The following DNER variants were observed in gnomAD, a reference collection of about 807,000 sequenced individuals.
DNER encodes the protein delta/notch like EGF repeat containing.
In DNER, 33 loss-of-function variants were observed where a neutral mutation model predicts 78.2. That is an observed-to-expected ratio of 0.42 (90% confidence interval 0.32 to 0.56). The LOEUF (loss-of-function observed/expected upper bound fraction) is 0.56. DNER is among the 20% of genes least tolerant of loss of function. The pLI, the probability that DNER is intolerant of heterozygous loss-of-function variation, is 0.11. For synonymous variants in DNER, 417 were observed against 384.8 expected, an observed-to-expected ratio of 1.08 and a Z score of -0.98; for missense variants, 918 against 975.3, an observed-to-expected ratio of 0.94 and a Z score of 0.78.
At chr2:229,362,820 T>C (rs1692246172) in intron 12 of DNER, among the ~76,000 whole-genome samples, 1 of 152,202 alleles carries the variant, frequency 6.6e-6, no homozygotes, top group African/African-American at 2.4e-5. Context: ...CTTGTGTGTC[T>C]ATTTCTTCAA....
At chr2:229,376,323 A>G (rs1478126729) in intron 11 of DNER, among the ~76,000 whole-genome samples, 1 of 152,066 alleles carries the variant, frequency 6.6e-6, no homozygotes, top group East Asian at 1.9e-4. Context: ...CCCTTCCACT[A>G]TGTGAAGACA....
chr2:229,506,829 C>T (rs986624362), intron 6 of DNER, among the ~76,000 whole-genome samples: 1 of 152,102 alleles, frequency 6.6e-6, no homozygotes, highest in Admixed American at 6.5e-5. Flanking sequence ...TCATCCATGT[C>T]CCTATGCTAT....
At chr2:229,412,617 A>G (rs1033470852) in intron 9 of DNER, among the ~76,000 whole-genome samples, 5 of 152,230 alleles carry the variant, frequency 3.3e-5, no homozygotes, top group Admixed American at 6.5e-5. Flanking sequence ...AACATTTCAG[A>G]CAGTGGATAC....
intron 12 of DNER, among the ~76,000 whole-genome samples, chr2:229,366,585 A>G (rs1011104616): frequency 6.6e-6 from 1 of 152,226 alleles, no homozygotes; most frequent in Non-Finnish European, 1.5e-5. Context: ...AAAGTTTTCA[A>G]TATACAGCGA....
At chr2:229,665,004 C>T (rs558483839) in intron 1 of DNER, among the ~76,000 whole-genome samples, 14 of 152,272 alleles carry the variant, frequency 9.2e-5, no homozygotes, top group Admixed American at 2.6e-4. Flanking sequence ...CTCAAGCAAG[C>T]TTCAGGTCAG....
intron 1 of DNER, among the ~76,000 whole-genome samples, chr2:229,635,257 G>C (rs1045008137): frequency 4.0e-5 from 6 of 148,422 alleles, no homozygotes; most frequent in Non-Finnish European, 7.4e-5. Context: ...TACAGCAGGA[G>C]ACCTCCAGCC....
At chr2:229,558,276 G>A (rs1696890550) in intron 4 of DNER, among the ~76,000 whole-genome samples, 1 of 151,974 alleles carries the variant, frequency 6.6e-6, no homozygotes, top group South Asian at 2.1e-4. Context: ...TAACTAATGA[G>A]TACAAGGCTT....
At chr2:229,594,888 A>G (rs1159589947) in intron 1 of DNER, among the ~76,000 whole-genome samples, 1 of 151,344 alleles carries the variant, frequency 6.6e-6, no homozygotes, top group Admixed American at 6.6e-5. Context: ...GTAATACTCA[A>G]GGAACACTGA....
intron 1 of DNER, among the ~76,000 whole-genome samples, chr2:229,607,613 C>T (rs919393492): frequency 6.6e-6 from 1 of 152,002 alleles, no homozygotes; most frequent in African/African-American, 2.4e-5. Context: ...TTATTCCCTC[C>T]CAGAAATAAA....
At chr2:229,631,851 C>G (rs1282885059) in intron 1 of DNER, among the ~76,000 whole-genome samples, 1 of 152,182 alleles carries the variant, frequency 6.6e-6, no homozygotes, top group Non-Finnish European at 1.5e-5. Flanking sequence ...GAAATCATAA[C>G]AGCATCTGCC....
chr2:229,555,413 G>A (rs557699106), intron 4 of DNER, among the ~76,000 whole-genome samples: 2 of 152,096 alleles, frequency 1.3e-5, no homozygotes, highest in East Asian at 3.9e-4. Context: ...CCTTTGTCTG[G>A]AATACTCCTC....
At position 229,655,005 on chromosome 2, in the gene DNER, T is replaced by A. The variant is rs532864932; in HGVS notation, c.276+59143A>T. Among the ~76,000 whole-genome samples the A allele has an allele frequency of 3.3e-5, 5 of 152,200 alleles. No individual in the cohort carries two copies. In the South Asian group the frequency reaches 1.0e-3, roughly 32 times the overall value. On this transcript the variant is annotated intron_variant, in intron 1 of 12. Coordinates refer to ENST00000341772, the MANE Select transcript of DNER (RefSeq NM_139072.4). ...CTTCTGACAATTGTTAAAACATCTT[T>A]CAGATGTTTTAAAAAAAATTCATCG...
At chr2:229,581,388 C>T (rs551630623) in intron 4 of DNER, among the ~76,000 whole-genome samples, 1 of 152,070 alleles carries the variant, frequency 6.6e-6, no homozygotes, top group South Asian at 2.1e-4. Flanking sequence ...CGATGCTCCC[C>T]GAGAAGCGGG....
In DNER at chr2:229,412,173, G is replaced by A. The variant is rs187956843; in HGVS notation, c.1610-4828C>T. The stretch of plus-strand genomic sequence containing the variant: ...CACTTAACAAAGTCTTAGACGTTCC[G>A]TCACAAACCAGGCTTGAACTAGTTT... On this transcript the variant is annotated intron_variant, in intron 9 of 12. Coordinates refer to ENST00000341772, the MANE Select transcript of DNER (RefSeq NM_139072.4). 2.9e-3 allele frequency among the ~76,000 whole-genome samples: 439 copies of A among 152,252 alleles called. 5 individuals are homozygous for A. The highest frequency in any genetic ancestry group is 3.2e-3 in the Non-Finnish European group (217 of 68,026).
At chr2:229,368,578 A>G (rs1235772274) in intron 11 of DNER, among the ~76,000 whole-genome samples, 1 of 152,250 alleles carries the variant, frequency 6.6e-6, no homozygotes, top group Non-Finnish European at 1.5e-5. Context: ...TAATTTCACA[A>G]TATCTTATGA....
intron 1 of DNER, among the ~76,000 whole-genome samples, chr2:229,687,019 C>T (rs1212654168): frequency 6.6e-6 from 1 of 152,108 alleles, no homozygotes; most frequent in African/African-American, 2.4e-5. Flanking sequence ...TTATTTTATG[C>T]ACCTTAACAT....
At chr2:229,543,256 C>T (rs1696553291) in intron 5 of DNER, among the ~76,000 whole-genome samples, 2 of 152,206 alleles carry the variant, frequency 1.3e-5, no homozygotes, top group Admixed American at 6.5e-5. Flanking sequence ...TTCTTCACCA[C>T]GGCTTTTGAT....
At chr2:229,592,051 C>A (rs1466661431) in intron 1 of DNER, among the ~76,000 whole-genome samples, 163 bp from the exon 2 acceptor site, 2 of 152,110 alleles carry the variant, frequency 1.3e-5, no homozygotes, top group South Asian at 2.1e-4. Flanking sequence ...GGGTGTACAC[C>A]AAGGTCATCC....
chr2:229,688,755 C>T (rs1277075043), intron 1 of DNER, among the ~76,000 whole-genome samples: 1 of 152,088 alleles, frequency 6.6e-6, no homozygotes, highest in Admixed American at 6.5e-5. Context: ...AGCCCAAATG[C>T]CCATCAACGA....
Sources: allele counts gnomAD v4.1 joint callset (sites outside exome capture counted in the v4.1 genomes callset), GRCh38; gene constraint gnomAD v4.1.1; transcripts MANE v1.5; gene names NCBI Gene and HGNC (gene_info 2026-07-23, HGNC 2026-07-21).